The following ADAM12 variants were observed in gnomAD, a reference collection of about 807,000 sequenced individuals.
ADAM12 encodes the protein ADAM metallopeptidase domain 12.
ADAM12 carries 70 observed loss-of-function variants against 106.4 expected under a neutral mutation model. The observed-to-expected ratio is 0.66, with a 90% confidence interval of 0.54 to 0.80. The LOEUF (loss-of-function observed/expected upper bound fraction) is 0.80. Ranked by LOEUF, ADAM12 falls within the 30% of genes least tolerant of loss-of-function variation. ADAM12 has a pLI of 0.00. For synonymous variants in ADAM12, 420 were observed against 433.5 expected, an observed-to-expected ratio of 0.97 and a Z score of 0.39; for missense variants, 1,010 against 1,171.9, an observed-to-expected ratio of 0.86 and a Z score of 2.02.
intron 2 of ADAM12, among the ~76,000 whole-genome samples, chr10:126,301,706 A>G (rs1284101170): frequency 6.6e-6 from 1 of 152,166 alleles, no homozygotes; most frequent in Non-Finnish European, 1.5e-5. Context: ...ATCAAAGGTT[A>G]TATTTAATCC....
intron 2 of ADAM12, among the ~76,000 whole-genome samples, chr10:126,297,921 G>C (rs887462527): frequency 3.9e-5 from 6 of 152,060 alleles, no homozygotes; most frequent in African/African-American, 1.4e-4. Context: ...AGGCAAGGAA[G>C]ACAAAATCCA....
chr10:126,109,685 G>T, intron 7 of ADAM12, 90 bp downstream of exon 7: 1 of 1,132,716 alleles, frequency 8.8e-7, no homozygotes, highest in Non-Finnish European at 1.3e-6. Context: ...AGGAAATGAG[G>T]TTCATTAAAG....
rs1180756836 is a variant in ADAM12 at position 126,388,285 on chromosome 10, G to C, written c.-140C>G. On this transcript the variant is annotated 5_prime_UTR_variant, in exon 1 of 23. Transcript: ENST00000448723. The surrounding 1 kb of genome is among the most constrained non-coding windows in gnomAD (Gnocchi z 4.4). ...GAGTCAGCTCCGGAGCCCTCGCGCA[G>C]CGCCCGCGCCGCCGCTGAGCTCTTC... 8 of 1,136,756 alleles carry C rather than the reference G, an allele frequency of 7.0e-6. No individual in the cohort carries two copies. Among genetic ancestry groups the C allele is most frequent in the Non-Finnish European group, 8.7e-6 (8 of 915,530 alleles). The allele number at this position is 1,136,756 out of a possible 1,614,324, so 70.4% of individuals were successfully genotyped here. A position where few individuals can be genotyped will look rare whatever the true frequency, so the allele number is the denominator to read the frequency against.
chr10:126,366,656 A>C (rs1337033547), intron 1 of ADAM12, among the ~76,000 whole-genome samples: 1 of 152,128 alleles, frequency 6.6e-6, no homozygotes, highest in African/African-American at 2.4e-5. Flanking sequence ...TGCAAAGCTA[A>C]TACACACTGT....
chr10:126,149,100 G>A (rs565329591), intron 4 of ADAM12, among the ~76,000 whole-genome samples: 9 of 152,288 alleles, frequency 5.9e-5, no homozygotes, highest in Admixed American at 4.6e-4. Flanking sequence ...GGGGGAAGAC[G>A]AGGGGAATGG....
At chr10:126,026,104 A>C (rs1473943067) in intron 21 of ADAM12, among the ~76,000 whole-genome samples, 1 of 152,190 alleles carries the variant, frequency 6.6e-6, no homozygotes, top group Admixed American at 6.5e-5. Flanking sequence ...CAAGAAACTC[A>C]TGTGCAAAGA....
chr10:126,229,722 T>C (rs762734834), intron 3 of ADAM12, among the ~76,000 whole-genome samples: 16 of 149,748 alleles, frequency 1.1e-4, no homozygotes, highest in Non-Finnish European at 1.5e-4. Context: ...TCTTTCTCCT[T>C]CCTCCAGTTG....
At chr10:126,287,101 A>G (rs1959902265) in intron 2 of ADAM12, among the ~76,000 whole-genome samples, 1 of 152,136 alleles carries the variant, frequency 6.6e-6, no homozygotes, top group African/African-American at 2.4e-5. Flanking sequence ...TAATCCTCAG[A>G]TTTGCAGCAA....
intron 4 of ADAM12, among the ~76,000 whole-genome samples, chr10:126,150,959 C>A (rs933201541): frequency 1.5e-4 from 23 of 152,240 alleles, no homozygotes; most frequent in Non-Finnish European, 2.9e-5. Context: ...TTAAAATCAG[C>A]CACAATTAAA....
intron 3 of ADAM12, among the ~76,000 whole-genome samples, chr10:126,252,411 T>C (rs1409629167): frequency 1.3e-5 from 2 of 152,074 alleles, no homozygotes; most frequent in African/African-American, 4.8e-5. Flanking sequence ...ACTGGGGAAG[T>C]TGGTGGCATA....
At chr10:126,142,682 TA>T (rs1181683345) in intron 4 of ADAM12, among the ~76,000 whole-genome samples, 4 of 149,930 alleles carry the variant, frequency 2.7e-5, no homozygotes, top group African/African-American at 9.8e-5. Context: ...AGCTATCACC[TA>T]AAATCCATAC....
intron 5 of ADAM12, among the ~76,000 whole-genome samples, chr10:126,133,707 C>G (rs951193074): frequency 1.3e-5 from 2 of 152,128 alleles, no homozygotes; most frequent in Non-Finnish European, 2.9e-5. Flanking sequence ...GTGATCCTAC[C>G]TTTCCACTTC....
intron 1 of ADAM12, among the ~76,000 whole-genome samples, chr10:126,340,813 G>C (rs1043926693): frequency 2.0e-5 from 3 of 151,710 alleles, no homozygotes; most frequent in African/African-American, 7.3e-5. Flanking sequence ...CACCTCCTGG[G>C]TTCAAGCAAT....
intron 3 of ADAM12, among the ~76,000 whole-genome samples, chr10:126,169,105 C>T (rs1349336128): frequency 1.3e-5 from 2 of 152,122 alleles, no homozygotes; most frequent in African/African-American, 4.8e-5. Context: ...ACCAGGCCCA[C>T]CCCCTCTACC....
intron 1 of ADAM12, among the ~76,000 whole-genome samples, chr10:126,370,198 A>G: frequency 6.6e-6 from 1 of 152,218 alleles, no homozygotes; most frequent in Non-Finnish European, 1.5e-5. Context: ...GCTGAATTAG[A>G]GGACCCAGAT....
chr10:126,213,324 C>T (rs1957934033), intron 3 of ADAM12, among the ~76,000 whole-genome samples: 1 of 152,242 alleles, frequency 6.6e-6, no homozygotes, highest in Non-Finnish European at 1.5e-5. Context: ...GCATATGGTT[C>T]GTTCTTTAGA....
intron 2 of ADAM12, among the ~76,000 whole-genome samples, chr10:126,289,106 C>T (rs1960025585): frequency 6.6e-6 from 1 of 150,862 alleles, no homozygotes; most frequent in Admixed American, 6.6e-5. Context: ...TGTGGTGACA[C>T]AATGGCTTGG....
intron 14 of ADAM12, among the ~76,000 whole-genome samples, chr10:126,057,227 AG>A (rs1190672942): frequency 2.4e-5 from 1 of 41,318 alleles, no homozygotes. Flanking sequence ...GGGTCGGGGG[AG>A]GGGGGAGGGA....
At chr10:126,136,057 A>C (rs1956399607) in intron 4 of ADAM12, among the ~76,000 whole-genome samples, 1 of 152,148 alleles carries the variant, frequency 6.6e-6, no homozygotes, top group Non-Finnish European at 1.5e-5. Context: ...GTGAAATGTA[A>C]TAAAACAAGG....
Sources: gnomAD v4.1 joint callset for allele counts (sites outside exome capture counted in the v4.1 genomes callset) on GRCh38, gnomAD v4.1.1 for gene constraint, Gnocchi (gnomAD v3.1) non-coding constraint, MANE v1.5 for transcripts, NCBI Gene and HGNC (gene_info 2026-07-23, HGNC 2026-07-21) for gene names.